Variants in IFT56 observed in about 807,000 individuals in gnomAD.
The protein encoded by IFT56 is intraflagellar transport protein 56.
At chr7:139,165,019 G>A in the IFT56 span, 3 of 672,488 alleles carry the variant, frequency 4.5e-6, no homozygotes, top group Non-Finnish European at 7.2e-6. Context: ...GATTCCCAGA[G>A]CTATTTTAGT....
the IFT56 span, among the ~76,000 whole-genome samples, chr7:139,184,881 C>T: frequency 5.9e-5 from 9 of 151,726 alleles, no homozygotes; most frequent in African/African-American, 2.2e-4. Context: ...AGTGAAACCC[C>T]GTCTCTACTA....
chr7:139,166,517 AATAT>A, the IFT56 span, among the ~76,000 whole-genome samples: 25,872 of 150,742 alleles, frequency 0.17, 3,812 homozygotes, highest in African/African-American at 0.36. Flanking sequence ...CTATATACTT[AATAT>A]ATATATATAT....
the IFT56 span, among the ~76,000 whole-genome samples, chr7:139,142,921 A>C: frequency 6.6e-6 from 1 of 152,188 alleles, no homozygotes; most frequent in Non-Finnish European, 1.5e-5. Context: ...CTAGAAATAA[A>C]TATACACTTT....
chr7:139,163,932 T>A, the IFT56 span, among the ~76,000 whole-genome samples: 1 of 152,232 alleles, frequency 6.6e-6, no homozygotes, highest in Non-Finnish European at 1.5e-5. Context: ...GTGCATTTAT[T>A]TGTGAAACAG....
the IFT56 span, among the ~76,000 whole-genome samples, chr7:139,186,625 T>C: frequency 4.6e-5 from 7 of 152,186 alleles, no homozygotes; most frequent in South Asian, 2.1e-4. Context: ...TTCTGAGAAT[T>C]TAGGAACAAG....
the IFT56 span, chr7:139,189,548 C>G: frequency 1.4e-6 from 1 of 711,836 alleles, no homozygotes; most frequent in Non-Finnish European, 2.4e-6. Flanking sequence ...TCCTTCCTTG[C>G]TCTTTAAGCC....
At chr7:139,189,518 G>A in the IFT56 span, 1 of 937,902 alleles carries the variant, frequency 1.1e-6, no homozygotes, top group Non-Finnish European at 1.7e-6. Flanking sequence ...GTGATACAGG[G>A]CTCTGTTTTA....
chr7:139,147,445 TA>T, the IFT56 span, among the ~76,000 whole-genome samples: 1 of 152,336 alleles, frequency 6.6e-6, no homozygotes, highest in East Asian at 1.9e-4. Flanking sequence ...AGATATTGTC[TA>T]AATCAGGCTT....
At chr7:139,174,091 C>T in the IFT56 span, 140 of 599,840 alleles carry the variant, frequency 2.3e-4, 3 homozygotes, top group South Asian at 1.5e-3. Context: ...GCTGCTCAGG[C>T]GAGCTACAGC....
At chr7:139,169,131 C>T in the IFT56 span, among the ~76,000 whole-genome samples, 3 of 152,056 alleles carry the variant, frequency 2.0e-5, no homozygotes, top group South Asian at 2.1e-4. Flanking sequence ...AATTCAGTTT[C>T]GGGTCTAGTT....
chr7:139,162,297 A>AT, the IFT56 span, among the ~76,000 whole-genome samples: 3 of 151,968 alleles, frequency 2.0e-5, no homozygotes, highest in African/African-American at 7.2e-5. Context: ...AGCTATCAGT[A>AT]TTTTTTTTAA....
At chr7:139,150,289 G>A in the IFT56 span, among the ~76,000 whole-genome samples, 5 of 152,178 alleles carry the variant, frequency 3.3e-5, no homozygotes, top group East Asian at 1.9e-4. Context: ...GTTTTCACCC[G>A]TTAGTAAGAA....
chr7:139,152,193 C>T, the IFT56 span, among the ~76,000 whole-genome samples: 1 of 152,252 alleles, frequency 6.6e-6, no homozygotes, highest in Non-Finnish European at 1.5e-5. Context: ...GTAGCACAAT[C>T]ATAGCTCATT....
chr7:139,145,016 A>C, the IFT56 span, among the ~76,000 whole-genome samples: 700 of 152,238 alleles, frequency 4.6e-3, 2 homozygotes, highest in Non-Finnish European at 7.1e-3. Context: ...AGATAATTCG[A>C]GTCTCTGGAT....
the IFT56 span, among the ~76,000 whole-genome samples, chr7:139,167,245 T>G: frequency 6.6e-6 from 1 of 152,224 alleles, no homozygotes; most frequent in African/African-American, 2.4e-5. Context: ...TAACTTGTCT[T>G]TCTTCCCCAT....
the IFT56 span, among the ~76,000 whole-genome samples, chr7:139,176,547 T>C: frequency 6.6e-6 from 1 of 152,164 alleles, no homozygotes; most frequent in Non-Finnish European, 1.5e-5. Flanking sequence ...AAGTATTTCA[T>C]CAGCCAAGAT....
At chr7:139,179,862 G>A in the IFT56 span, among the ~76,000 whole-genome samples, 18 of 152,122 alleles carry the variant, frequency 1.2e-4, no homozygotes, top group Non-Finnish European at 1.3e-4. Flanking sequence ...CTACTATATA[G>A]CATTGACCTA....
chr7:139,166,976 A>G, the IFT56 span: 11 of 893,764 alleles, frequency 1.2e-5, no homozygotes, highest in Non-Finnish European at 1.8e-5. Context: ...AAGTCATATT[A>G]GAGAAGATTA....
At chr7:139,165,210 T>C in the IFT56 span, 1 of 1,613,556 alleles carries the variant, frequency 6.2e-7, no homozygotes, top group South Asian at 1.1e-5. Flanking sequence ...TAGGCTAAAC[T>C]TGGTGATTTA....
Sources: allele counts gnomAD v4.1 joint callset (sites outside exome capture counted in the v4.1 genomes callset), GRCh38; gene constraint gnomAD v4.1.1; transcripts MANE v1.5; gene names NCBI Gene and HGNC (gene_info 2026-07-23, HGNC 2026-07-21).